EPHA5: variants seen among roughly 807,000 people sequenced by gnomAD.
The protein encoded by EPHA5 is EPH receptor A5, also known as ephrin type-A receptor 5.
Under a neutral mutation model 105.0 loss-of-function variants are expected in EPHA5, and 60 were observed. The observed-to-expected ratio is 0.57, with a 90% CI of 0.46 to 0.71. The LOEUF (loss-of-function observed/expected upper bound fraction) is 0.71, where lower values mean the gene tolerates loss of function less well. Among genes scored for constraint, EPHA5 ranks in the 30% least tolerant of loss-of-function variants. The pLI, the probability that EPHA5 is intolerant of heterozygous loss-of-function variation, is 0.00. For missense variants in EPHA5, 1,218 were observed against 1,274.7 expected, an observed-to-expected ratio of 0.96 and a Z score of 0.68; for synonymous variants, 513 against 449.1, an observed-to-expected ratio of 1.14 and a Z score of -1.80.
intron 2 of EPHA5, among the ~76,000 whole-genome samples, chr4:65,631,723 A>T (rs777718541): frequency 0.23 from 34,098 of 145,534 alleles, 4,788 homozygotes; most frequent in Middle Eastern, 0.4. Flanking sequence ...ATGTACCCTA[A>T]AACTTAAAGT....
chr4:65,460,065 C>T (rs926200275), intron 5 of EPHA5, among the ~76,000 whole-genome samples: 3 of 151,514 alleles, frequency 2.0e-5, no homozygotes, highest in East Asian at 1.9e-4. Context: ...ATAATGCATT[C>T]TTGACCTTTC....
chr4:65,558,608 A>G (rs1363424797), intron 3 of EPHA5, among the ~76,000 whole-genome samples: 1 of 152,094 alleles, frequency 6.6e-6, no homozygotes, highest in Non-Finnish European at 1.5e-5. Context: ...TTAGTTACAT[A>G]TGTATACATG....
chr4:65,431,137 C>T (rs1724931131), intron 5 of EPHA5, among the ~76,000 whole-genome samples: 1 of 152,064 alleles, frequency 6.6e-6, no homozygotes. Flanking sequence ...TAAATCCTCA[C>T]AACGATTAAC....
At chr4:65,599,100 G>A (rs1310975396) in intron 3 of EPHA5, among the ~76,000 whole-genome samples, 2 of 151,888 alleles carry the variant, frequency 1.3e-5, no homozygotes, top group Admixed American at 6.6e-5. Context: ...GTTTCAACAA[G>A]GTTTACCTCT....
chr4:65,358,067 T>C (rs1233346933), intron 11 of EPHA5, among the ~76,000 whole-genome samples: 3 of 151,404 alleles, frequency 2.0e-5, no homozygotes, highest in Admixed American at 6.6e-5. Context: ...GGGAACTTAT[T>C]AGAAATGTAA....
rs1212574706 is a variant in EPHA5, at chr4:65,574,697, T to TAC, written c.910+26942_910+26943dup. 1.8e-3 allele frequency among the ~76,000 whole-genome samples: 114 copies of TAC among 64,562 alleles called. 1 individual carries two copies. The highest frequency in any genetic ancestry group is 7.0e-3 in the East Asian group (11 of 1,580). 42.4% of individuals were successfully genotyped at this position (64,562 alleles called of 152,430 possible). A position where few individuals can be genotyped will look rare whatever the true frequency, so the allele number is the denominator to read the frequency against. The stretch of plus-strand genomic sequence containing the variant: ...ATATATACATATATATACATATATA[T>TAC]ACATATATATACATATATATATACA... On this transcript the variant is annotated intron_variant, in intron 3 of 16. Coordinates refer to ENST00000613740, the MANE Select transcript of EPHA5 (RefSeq NM_001281766.3).
intron 7 of EPHA5, among the ~76,000 whole-genome samples, chr4:65,410,654 T>C (rs1467829322): frequency 6.6e-6 from 1 of 152,216 alleles, no homozygotes; most frequent in East Asian, 1.9e-4. Context: ...CTGGTTGTGA[T>C]ATTATACTAT....
intron 1 of EPHA5, among the ~76,000 whole-genome samples, chr4:65,652,671 T>C (rs1259654306): frequency 6.6e-6 from 1 of 152,086 alleles, no homozygotes; most frequent in African/African-American, 2.4e-5. Flanking sequence ...TATCAATGAA[T>C]TTTATGAGAT....
At chr4:65,410,956 T>C (rs920998037) in intron 7 of EPHA5, among the ~76,000 whole-genome samples, 1 of 152,098 alleles carries the variant, frequency 6.6e-6, no homozygotes, top group Non-Finnish European at 1.5e-5. Flanking sequence ...TCAAGATAAA[T>C]TATGTTAAAA....
chr4:65,615,013 A>T (rs1745103517), intron 2 of EPHA5, among the ~76,000 whole-genome samples: 1 of 151,892 alleles, frequency 6.6e-6, no homozygotes, highest in African/African-American at 2.4e-5. Flanking sequence ...AGAAAAATGT[A>T]AAATTTATAA....
At position 65,528,507 on chromosome 4, in the gene EPHA5, AG is replaced by A. The variant is rs1735457225; in HGVS notation, c.911-32965del. Among the ~76,000 whole-genome samples the A allele has an allele frequency of 3.3e-5, 5 of 152,242 alleles. No homozygotes were observed. The South Asian group carries it at 1.0e-3, about 32-fold the overall frequency. Reference sequence around the variant, plus strand: ...TTCCCTGTTGCTTAAAAAAATCCGTAGAGAATTCAATGTGTACAGGCACTTG... The same window carrying A: ...TTCCCTGTTGCTTAAAAAAATCCGTAAGAATTCAATGTGTACAGGCACTTG... On this transcript the variant is annotated intron_variant, in intron 3 of 16. Transcript: ENST00000613740.
intron 5 of EPHA5, among the ~76,000 whole-genome samples, chr4:65,425,263 T>C (rs1009360770): frequency 2.6e-5 from 4 of 152,254 alleles, no homozygotes; most frequent in Admixed American, 1.3e-4. Flanking sequence ...GGTTTAAAAA[T>C]ACATGTATTT....
At chr4:65,385,642 T>A (rs1720004974) in intron 8 of EPHA5, among the ~76,000 whole-genome samples, 1 of 151,872 alleles carries the variant, frequency 6.6e-6, no homozygotes, top group African/African-American at 2.4e-5. Flanking sequence ...ATTGTGCTGG[T>A]GATAAATGTG....
chr4:65,563,009 A>G (rs1560701091), intron 3 of EPHA5, among the ~76,000 whole-genome samples: 1 of 151,894 alleles, frequency 6.6e-6, no homozygotes, highest in Non-Finnish European at 1.5e-5. Context: ...TAAGGATAAA[A>G]TAAATATACT....
chr4:65,336,387 C>A (rs181003480), intron 14 of EPHA5, among the ~76,000 whole-genome samples: 1 of 151,774 alleles, frequency 6.6e-6, no homozygotes, highest in African/African-American at 2.4e-5. Flanking sequence ...TTCTTAAAAT[C>A]TTGGTGAAGG....
intron 5 of EPHA5, among the ~76,000 whole-genome samples, chr4:65,457,489 T>G (rs922816930): frequency 8.5e-5 from 13 of 152,168 alleles, no homozygotes; most frequent in Non-Finnish European, 1.3e-4. Context: ...ATGGAACATA[T>G]TTCTCTTTAA....
chr4:65,498,464 G>A (rs552060747), intron 3 of EPHA5, among the ~76,000 whole-genome samples: 12 of 151,702 alleles, frequency 7.9e-5, no homozygotes, highest in Non-Finnish European at 1.0e-4. Context: ...CAGCAGCCTG[G>A]GTAAAAAAGC....
At chr4:65,552,129 G>A (rs1487009822) in intron 3 of EPHA5, among the ~76,000 whole-genome samples, 2 of 152,174 alleles carry the variant, frequency 1.3e-5, no homozygotes, top group African/African-American at 4.8e-5. Context: ...GTCCGGCCCT[G>A]TGGCCTGATG....
intron 3 of EPHA5, among the ~76,000 whole-genome samples, chr4:65,525,454 C>T (rs1207153411): frequency 2.0e-5 from 3 of 151,460 alleles, no homozygotes; most frequent in Admixed American, 6.6e-5. Context: ...GTATTTTTTT[C>T]CCCTGTCTAC....
Sources: allele counts gnomAD v4.1 joint callset (sites outside exome capture counted in the v4.1 genomes callset), GRCh38; gene constraint gnomAD v4.1.1; transcripts MANE v1.5; gene names NCBI Gene and HGNC (gene_info 2026-07-23, HGNC 2026-07-21).